The following TANGO6 variants were observed in gnomAD, a reference collection of about 807,000 sequenced individuals.
TANGO6 encodes transport and golgi organization 6 homolog, also known as transport and Golgi organization protein 6 homolog.
In TANGO6, 90 loss-of-function variants were observed where a neutral mutation model predicts 114.2. The observed-to-expected ratio is 0.79, with a 90% CI of 0.66 to 0.94. The LOEUF is 0.94. TANGO6 is among the 40% of genes least tolerant of loss of function. TANGO6 has a pLI of 0.00. For missense variants in TANGO6, 1,274 were observed against 1,315.3 expected, an observed-to-expected ratio of 0.97 and a Z score of 0.49; for synonymous variants, 477 against 509.8, an observed-to-expected ratio of 0.94 and a Z score of 0.87.
chr16:68,979,931 G>A (rs117594286), intron 15 of TANGO6, among the ~76,000 whole-genome samples: 2 of 150,494 alleles, frequency 1.3e-5, no homozygotes, highest in African/African-American at 2.4e-5. Context: ...TTCAACGTCC[G>A]GCTGCCAGGT....
intron 14 of TANGO6, among the ~76,000 whole-genome samples, chr16:68,938,251 A>G (rs1237371967): frequency 6.6e-6 from 1 of 152,218 alleles, no homozygotes; most frequent in East Asian, 1.9e-4. Flanking sequence ...CTGAAGAACA[A>G]TGAGAAGGTT....
intron 1 of TANGO6, among the ~76,000 whole-genome samples, chr16:68,856,836 G>A (rs1234654445): frequency 2.6e-5 from 4 of 152,148 alleles, no homozygotes; most frequent in Non-Finnish European, 4.4e-5. Flanking sequence ...TTGGCCAGGC[G>A]CGGTGGCTCA....
At chr16:69,000,046 G>C (rs1031147645) in intron 15 of TANGO6, among the ~76,000 whole-genome samples, 1 of 152,214 alleles carries the variant, frequency 6.6e-6, no homozygotes, top group African/African-American at 2.4e-5. Context: ...CACAGTCAAA[G>C]AGGCGATTCG....
At chr16:68,915,065 T>A (rs1962982105) in intron 11 of TANGO6, among the ~76,000 whole-genome samples, 1 of 149,468 alleles carries the variant, frequency 6.7e-6, no homozygotes, top group Non-Finnish European at 1.5e-5. Flanking sequence ...GGGAGGCTAC[T>A]CGGGAGGCTG....
intron 14 of TANGO6, among the ~76,000 whole-genome samples, chr16:68,935,730 C>G (rs1297783011): frequency 1.3e-5 from 2 of 152,010 alleles, no homozygotes; most frequent in African/African-American, 4.8e-5. Context: ...AAATGTCTCC[C>G]CTTTTGTATT....
chr16:68,981,210 CTTTTTTTTT>C (rs553789256), intron 15 of TANGO6, among the ~76,000 whole-genome samples: 2 of 111,020 alleles, frequency 1.8e-5, no homozygotes, highest in East Asian at 2.3e-4. Context: ...TTTTCTTTTC[CTTTTTTTTT>C]TTTTTTTTTT....
chr16:68,908,086 G>A (rs1197142371), intron 10 of TANGO6, among the ~76,000 whole-genome samples: 1 of 152,158 alleles, frequency 6.6e-6, no homozygotes, highest in Non-Finnish European at 1.5e-5. Flanking sequence ...TTCTCTGAGA[G>A]TAACTTGTAC....
Position 68,843,665 on chromosome 16 carries a change from T to C in TANGO6, c.48T>C (p.Gly16=), listed in dbSNP as rs768138748. 9 of 1,613,528 alleles carry C rather than the reference T, an allele frequency of 5.6e-6. No homozygotes were observed. The South Asian group carries it at 7.7e-5, about 14-fold the overall frequency. ...AVGSGAQETC[G]LDRILEALKL... ...GCAGCGGGGCTCAGGAGACATGCGG[T>C]CTGGATCGGATTTTGGAGGCATTGA... Residue 16 remains glycine (G), a synonymous_variant, in exon 1 of 18, where the codon GGT becomes GGC. Coordinates refer to ENST00000261778, the MANE Select transcript of TANGO6 (RefSeq NM_024562.2).
At chr16:68,982,235 G>A (rs1473471562) in intron 15 of TANGO6, among the ~76,000 whole-genome samples, 1 of 152,200 alleles carries the variant, frequency 6.6e-6, no homozygotes, top group Non-Finnish European at 1.5e-5. Context: ...GTTCACTGCT[G>A]TATAAACTCC....
intron 17 of TANGO6, among the ~76,000 whole-genome samples, chr16:69,066,192 T>G (rs1567569480): frequency 6.6e-6 from 1 of 152,208 alleles, no homozygotes; most frequent in Non-Finnish European, 1.5e-5. Context: ...CTCGCCTTCA[T>G]TTATTCATCT....
chr16:69,039,071 G>A (rs1478173060), intron 16 of TANGO6, among the ~76,000 whole-genome samples: 1 of 152,144 alleles, frequency 6.6e-6, no homozygotes, highest in Admixed American at 6.6e-5. Context: ...TGTAGTCCCA[G>A]CTACTCGGGA....
At chr16:68,855,730 A>G (rs1961979213) in intron 1 of TANGO6, among the ~76,000 whole-genome samples, 1 of 152,010 alleles carries the variant, frequency 6.6e-6, no homozygotes, top group African/African-American at 2.4e-5. Flanking sequence ...TAAAAATACA[A>G]AAAAATTAGC....
At chr16:68,850,335 T>C (rs1961881045) in intron 1 of TANGO6, among the ~76,000 whole-genome samples, 1 of 152,164 alleles carries the variant, frequency 6.6e-6, no homozygotes, top group African/African-American at 2.4e-5. Flanking sequence ...TCTGAGAATA[T>C]TGGTTCCTAA....
At chr16:69,054,025 A>T (rs1959993928) in intron 17 of TANGO6, among the ~76,000 whole-genome samples, 1 of 152,104 alleles carries the variant, frequency 6.6e-6, no homozygotes, top group African/African-American at 2.4e-5. Flanking sequence ...AGATCACTCC[A>T]TTGCACTCCA....
chr16:68,903,624 A>AAG (rs1461523768), intron 9 of TANGO6, among the ~76,000 whole-genome samples: 2 of 148,856 alleles, frequency 1.3e-5, no homozygotes, highest in African/African-American at 5.0e-5. Flanking sequence ...TCAAAAAAAA[A>AAG]AAAAAAAAAA....
intron 9 of TANGO6, among the ~76,000 whole-genome samples, chr16:68,904,760 C>T (rs1962827997): frequency 6.6e-6 from 1 of 152,172 alleles, no homozygotes; most frequent in African/African-American, 2.4e-5. Context: ...TTTAGTGCAT[C>T]TTCAATGCCT....
chr16:68,892,533 G>A (rs1355765812), intron 7 of TANGO6, among the ~76,000 whole-genome samples: 1 of 145,896 alleles, frequency 6.9e-6, no homozygotes, highest in Non-Finnish European at 1.5e-5. Context: ...TTTTTGAGAC[G>A]GAGTCTCTGT....
intron 17 of TANGO6, among the ~76,000 whole-genome samples, chr16:69,081,712 G>C (rs940207420): frequency 6.6e-6 from 1 of 152,148 alleles, no homozygotes; most frequent in African/African-American, 2.4e-5. Flanking sequence ...TCCCAAGCCA[G>C]GAGGATTTTT....
chr16:68,992,027 G>A (rs935632189), intron 15 of TANGO6, among the ~76,000 whole-genome samples: 2 of 151,990 alleles, frequency 1.3e-5, no homozygotes, highest in Non-Finnish European at 2.9e-5. Flanking sequence ...TAGTGAAAAC[G>A]GGGTTATAAT....
Sources: gnomAD v4.1 joint callset for allele counts (sites outside exome capture counted in the v4.1 genomes callset) on GRCh38, gnomAD v4.1.1 for gene constraint, MANE v1.5 for transcripts, NCBI Gene and HGNC (gene_info 2026-07-23, HGNC 2026-07-21) for gene names.